The following ZMIZ1 variants were observed in gnomAD, a reference collection of about 807,000 sequenced individuals.
ZMIZ1 encodes the protein zinc finger MIZ-type containing 1, also known as zinc finger MIZ domain-containing protein 1.
Under a neutral mutation model 113.9 loss-of-function variants are expected in ZMIZ1, and 17 were observed. That is an observed-to-expected ratio of 0.15 (90% CI 0.10 to 0.22). ZMIZ1 has a LOEUF of 0.22. Among genes scored for constraint, ZMIZ1 ranks in the 10% least tolerant of loss-of-function variants. ZMIZ1 has a pLI of 1.00. For synonymous variants in ZMIZ1, 607 were observed against 603.1 expected, an observed-to-expected ratio of 1.01 and a Z score of -0.09; for missense variants, 1,059 against 1,477.8, an observed-to-expected ratio of 0.72 and a Z score of 4.65.
intron 7 of ZMIZ1, among the ~76,000 whole-genome samples, chr10:79,276,286 C>T (rs893938803): frequency 6.6e-5 from 10 of 152,234 alleles, no homozygotes; most frequent in African/African-American, 2.2e-4. Flanking sequence ...TCATGTACTT[C>T]AGGAGGACAG....
chr10:79,186,507 C>T (rs186777786), intron 4 of ZMIZ1, among the ~76,000 whole-genome samples: 2 of 152,268 alleles, frequency 1.3e-5, no homozygotes, highest in Admixed American at 6.5e-5. Context: ...TGTTGATTCC[C>T]GAAATCCTGT....
intron 4 of ZMIZ1, among the ~76,000 whole-genome samples, chr10:79,196,011 G>A (rs1019936686): frequency 1.6e-4 from 24 of 152,236 alleles, no homozygotes; most frequent in African/African-American, 5.8e-4. Flanking sequence ...GCTGTCTCTT[G>A]CATGCCTCCC....
In ZMIZ1 at chr10:79,236,511, G is replaced by A. The variant is rs142079603; in HGVS notation, c.280+20237G>A. 6.8e-3 allele frequency among the ~76,000 whole-genome samples: 1,032 copies of A among 152,260 alleles called. 7 individuals carry two copies. Among genetic ancestry groups the A allele is most frequent in the African/African-American group, 0.023 (970 of 41,550 alleles). ...CACGGACATTCGAGCTGCCGTTGCC[G>A]TCTCTTCCCTTCAAAGGCGACTCCA... On this transcript the variant is annotated intron_variant, in intron 7 of 24. Coordinates refer to ENST00000334512, the MANE Select transcript of ZMIZ1 (RefSeq NM_020338.4).
chr10:79,080,638 C>T (rs1842629928), intron 1 of ZMIZ1, among the ~76,000 whole-genome samples: 1 of 152,058 alleles, frequency 6.6e-6, no homozygotes, highest in African/African-American at 2.4e-5. Context: ...TGGTGTTTGG[C>T]GATGGGGCTG....
intron 3 of ZMIZ1, among the ~76,000 whole-genome samples, chr10:79,159,935 G>A (rs765938349): frequency 6.6e-6 from 1 of 152,204 alleles, no homozygotes; most frequent in Non-Finnish European, 1.5e-5. Flanking sequence ...CCCCTGAGAC[G>A]CTGATGGCCC....
intron 4 of ZMIZ1, among the ~76,000 whole-genome samples, chr10:79,187,429 C>T (rs962471601): frequency 6.6e-6 from 1 of 152,268 alleles, no homozygotes; most frequent in South Asian, 2.1e-4. Flanking sequence ...TGTAACCTCT[C>T]TGGGCCTCAG....
chr10:79,245,449 C>A (rs1850135324), intron 7 of ZMIZ1, among the ~76,000 whole-genome samples: 1 of 152,180 alleles, frequency 6.6e-6, no homozygotes, highest in Non-Finnish European at 1.5e-5. Context: ...ATGGTGGGTG[C>A]CCAGTGGCTG....
chr10:79,234,596 G>C (rs1311958079), intron 7 of ZMIZ1, among the ~76,000 whole-genome samples: 3 of 152,216 alleles, frequency 2.0e-5, no homozygotes. Flanking sequence ...CATTAGTCAT[G>C]CAGGAAACAT....
intron 4 of ZMIZ1, among the ~76,000 whole-genome samples, chr10:79,183,345 G>T (rs1847203472): frequency 7.1e-6 from 1 of 141,124 alleles, no homozygotes; most frequent in Non-Finnish European, 1.5e-5. Flanking sequence ...ACAGGCCTGA[G>T]GCTCGTGCAC....
At chr10:79,225,709 G>T (rs1474717083) in intron 7 of ZMIZ1, among the ~76,000 whole-genome samples, 1 of 152,242 alleles carries the variant, frequency 6.6e-6, no homozygotes, top group East Asian at 1.9e-4. Context: ...TGAGGTTGCA[G>T]TGGTTCTCCC....
At chr10:79,100,614 C>G (rs913379609) in intron 1 of ZMIZ1, among the ~76,000 whole-genome samples, 3 of 152,152 alleles carry the variant, frequency 2.0e-5, no homozygotes, top group Non-Finnish European at 4.4e-5. Flanking sequence ...GTGCTGTCCT[C>G]AGATCTGATT....
intron 1 of ZMIZ1, among the ~76,000 whole-genome samples, chr10:79,074,795 G>A (rs1052214163): frequency 6.6e-6 from 1 of 152,232 alleles, no homozygotes; most frequent in Non-Finnish European, 1.5e-5. Context: ...TAGCTAGTGG[G>A]GTTCAGGCCA....
intron 7 of ZMIZ1, among the ~76,000 whole-genome samples, chr10:79,270,509 G>A (rs1386677487): frequency 6.6e-6 from 1 of 152,168 alleles, no homozygotes; most frequent in African/African-American, 2.4e-5. Context: ...TATTTCACAT[G>A]CCACTAAGAA....
intron 1 of ZMIZ1, among the ~76,000 whole-genome samples, chr10:79,078,570 CTTTTTTTT>C (rs34178865): frequency 3.4e-5 from 3 of 87,812 alleles, no homozygotes; most frequent in African/African-American, 1.4e-4. Flanking sequence ...CCACCCCCGA[CTTTTTTTT>C]TTTTTTTTTT....
chr10:79,272,560 G>GTTTCA (rs1265070375), intron 7 of ZMIZ1, among the ~76,000 whole-genome samples: 121 of 152,364 alleles, frequency 7.9e-4, no homozygotes, highest in African/African-American at 2.9e-3. Flanking sequence ...AGCAGTGGGG[G>GTTTCA]CCATGTGCGG....
intron 22 of ZMIZ1, 114 bp from the exon 23 acceptor site, chr10:79,307,291 A>G: frequency 9.2e-7 from 1 of 1,087,806 alleles, no homozygotes; most frequent in Non-Finnish European, 1.3e-6. Flanking sequence ...GACCTACTAC[A>G]GCCTCGCAAG....
intron 7 of ZMIZ1, among the ~76,000 whole-genome samples, chr10:79,228,055 T>C (rs1363358680): frequency 1.3e-5 from 2 of 152,184 alleles, no homozygotes; most frequent in East Asian, 1.9e-4. Context: ...GTGCCCTGGG[T>C]GAGGGAAACC....
intron 8 of ZMIZ1, among the ~76,000 whole-genome samples, chr10:79,288,524 G>A (rs1166180925): frequency 6.8e-6 from 1 of 147,784 alleles, no homozygotes; most frequent in Non-Finnish European, 1.5e-5. Flanking sequence ...ACACACATAC[G>A]CACACACACA....
rs187986833 is a variant in ZMIZ1, at chr10:79,291,324, T to A, written c.758+148T>A. On this transcript the variant is annotated intron_variant, in intron 10 of 24. Coordinates refer to ENST00000334512, the MANE Select transcript of ZMIZ1 (RefSeq NM_020338.4). ...TACATGAGTTGAAGGGGCTCAGTCA[T>A]CCCTGGCTCCCAGGGCTGGCCTGCA... 570 of 1,046,098 alleles carry A rather than the reference T, an allele frequency of 5.4e-4. 3 individuals are homozygous for A. In the Middle Eastern group the frequency reaches 6.7e-3, roughly 12 times the overall value. The allele number at this position is 1,046,098 out of a possible 1,614,324, so 64.8% of individuals were successfully genotyped here. A position where few individuals can be genotyped will look rare whatever the true frequency, so the allele number is the denominator to read the frequency against.
Sources: allele counts gnomAD v4.1 joint callset (sites outside exome capture counted in the v4.1 genomes callset), GRCh38; gene constraint gnomAD v4.1.1; transcripts MANE v1.5; gene names NCBI Gene and HGNC (gene_info 2026-07-23, HGNC 2026-07-21).